LTBR: variants seen among roughly 807,000 people sequenced by gnomAD.
LTBR encodes the protein tumor necrosis factor receptor superfamily member 3.
In LTBR, 15 loss-of-function variants were observed where a neutral mutation model predicts 45.4. The ratio of observed to expected loss-of-function variants is 0.33; its 90% CI spans 0.22 to 0.51. The LOEUF is 0.51. LTBR is among the 20% of genes least tolerant of loss of function. The pLI is 0.97. For synonymous variants in LTBR, 228 were observed against 231.0 expected, an observed-to-expected ratio of 0.99 and a Z score of 0.12; for missense variants, 450 against 565.5, an observed-to-expected ratio of 0.80 and a Z score of 2.07.
exon 1 of LTBR, chr12:6,375,523 TG>T: frequency 6.5e-7 from 1 of 1,534,362 alleles, no homozygotes; most frequent in Non-Finnish European, 8.7e-7. Flanking sequence ...TGCAGCGGCC[TG>T]GCTGGGGAGC....
chr12:6,388,333 C>T lies in LTBR; in HGVS notation c.668-65C>T, dbSNP rs138882165. 1.7e-6 allele frequency: 2 copies of T among 1,168,182 alleles called. No homozygotes were observed. The highest frequency in any genetic ancestry group is 4.7e-5 in the East Asian group (2 of 42,738). The allele number at this position is 1,168,182 out of a possible 1,614,324, so 72.4% of individuals were successfully genotyped here. A position where few individuals can be genotyped will look rare whatever the true frequency, so the allele number is the denominator to read the frequency against. ...TTGCCCAGGGATCTGGAAAGCTCTT[C>T]CTTCTCCTCCTCCCCTCTGCCCTTC... On this transcript the variant is annotated intron_variant, in intron 6 of 9. Coordinates refer to ENST00000228918, the MANE Select transcript of LTBR (RefSeq NM_002342.3). The surrounding 1 kb of genome is among the most constrained non-coding windows in gnomAD (Gnocchi z 4.3).
chr12:6,381,776 C>A (rs948502674), upstream of LTBR, among the ~76,000 whole-genome samples: 2 of 152,170 alleles, frequency 1.3e-5, no homozygotes, highest in Non-Finnish European at 2.9e-5. Flanking sequence ...AGTTCAAGAC[C>A]AGCCTGGTCA....
chr12:6,377,451 C>G, intron 1 of LTBR: 1 of 663,414 alleles, frequency 1.5e-6, no homozygotes, highest in East Asian at 2.8e-5. Flanking sequence ...CATTTACTTC[C>G]TGAGACAGAC....
chr12:6,384,373 G>A lies in LTBR; in HGVS notation c.15G>A (p.Trp5Ter). Residue 5 changes from tryptophan (W) to a stop codon, truncating the protein, a stop_gained, in exon 1 of 10, where the codon TGG becomes TGA. Transcript: ENST00000228918. LOFTEE classifies it high-confidence loss of function. MLLP[W>*]ATSAPGLAWG... is the part of the protein sequence containing the mutation. The stretch of plus-strand genomic sequence containing the variant: ...GAGTGGCCGCCATGCTCCTGCCTTG[G>A]GCCACCTCTGCCCCCGGCCTGGCCT... 6.5e-7 allele frequency: 1 copy of A among 1,531,892 alleles called. No individual in the cohort carries two copies. Among genetic ancestry groups the A allele is most frequent in the Non-Finnish European group, 8.7e-7 (1 of 1,144,316 alleles). 94.9% of individuals were successfully genotyped at this position (1,531,892 alleles called of 1,614,324 possible).
At chr12:6,390,608 G>A (rs367546260) in intron 9 of LTBR, 52 bp from the exon 10 acceptor site, 28 of 1,485,062 alleles carry the variant, frequency 1.9e-5, no homozygotes, top group South Asian at 5.7e-5. Flanking sequence ...AAGAAGCAGC[G>A]GGCCTGAACT....
chr12:6,389,152 G>A (rs959391652), intron 8 of LTBR: 1 of 263,924 alleles, frequency 3.8e-6, no homozygotes. Context: ...TAGACAGAGT[G>A]GAGAGTGAAG....
At chr12:6,379,298 CG>C (rs1339568660), upstream of LTBR, among the ~76,000 whole-genome samples, 6 of 152,178 alleles carry the variant, frequency 3.9e-5, no homozygotes, top group African/African-American at 1.4e-4. Context: ...TTTGACAGAG[CG>C]GGATATGCTA....
intron 2 of LTBR, 151 bp downstream of exon 2, chr12:6,384,835 G>T: frequency 1.0e-6 from 1 of 1,003,388 alleles, no homozygotes; most frequent in Non-Finnish European, 1.5e-6. Context: ...TCACGTGGAG[G>T]AGATGGGACT....
At chr12:6,382,203 G>T (rs762239114), upstream of LTBR, among the ~76,000 whole-genome samples, 4 of 152,128 alleles carry the variant, frequency 2.6e-5, no homozygotes, top group Non-Finnish European at 4.4e-5. Flanking sequence ...GTCTTTTAGG[G>T]TAAAATCCTG....
At chr12:6,390,013 A>G (rs1255184667) in intron 8 of LTBR, 99 bp from the exon 9 acceptor site, 6 of 767,036 alleles carry the variant, frequency 7.8e-6, no homozygotes, top group South Asian at 4.7e-5. Flanking sequence ...AAGGAAGGAA[A>G]GAAAGAAAGA....
intron 1 of LTBR, among the ~76,000 whole-genome samples, chr12:6,376,624 C>G (rs1182187191): frequency 2.0e-5 from 3 of 152,210 alleles, no homozygotes; most frequent in African/African-American, 7.2e-5. Context: ...AAACTTAATG[C>G]AGCAAAAGGA....
At position 6,391,023 on chromosome 12, in the gene LTBR, C is replaced by A; in HGVS notation, c.*86C>A. The A allele has an allele frequency of 1.5e-6, 2 of 1,374,892 alleles. No homozygotes were observed. Among genetic ancestry groups the A allele is most frequent in the Non-Finnish European group, 1.9e-6 (2 of 1,036,394 alleles). The allele number at this position is 1,374,892 out of a possible 1,614,324, so 85.2% of individuals were successfully genotyped here. ...CCTGCCCACGTGGGATTCACAGGGG[C>A]CTGAGTAGGGCCCGGGGAAGCAGAG... On this transcript the variant is annotated 3_prime_UTR_variant, in exon 10 of 10. Coordinates refer to ENST00000228918, the MANE Select transcript of LTBR (RefSeq NM_002342.3).
At chr12:6,384,735 G>A (rs2302256) in intron 2 of LTBR, 51 bp downstream of exon 2, 219,311 of 1,542,530 alleles carry the variant, frequency 0.14, 21,217 homozygotes, top group African/African-American at 0.44. Flanking sequence ...GGTCACGGGG[G>A]CTCCAGCCCC....
intron 1 of LTBR, among the ~76,000 whole-genome samples, chr12:6,376,366 G>T (rs559233717): frequency 6.6e-6 from 1 of 152,360 alleles, no homozygotes; most frequent in East Asian, 1.9e-4. Context: ...CCAGGAATGT[G>T]TAATCGCCCC....
At position 6,384,344 on chromosome 12, in the gene LTBR, G is replaced by C; in HGVS notation, c.-15G>C. 2.0e-6 allele frequency: 3 copies of C among 1,482,466 alleles called. No individual in the cohort carries two copies. The highest frequency in any genetic ancestry group is 1.8e-6 in the Non-Finnish European group (2 of 1,120,856). 91.8% of individuals were successfully genotyped at this position (1,482,466 alleles called of 1,614,324 possible). A position where few individuals can be genotyped will look rare whatever the true frequency, so the allele number is the denominator to read the frequency against. On this transcript the variant is annotated 5_prime_UTR_variant, in exon 1 of 10. Transcript: ENST00000228918. ...CAGGCCCCCACGTTGCTGGCCGCCT[G>C]GCCGAGTGGCCGCCATGCTCCTGCC...
intron 1 of LTBR, chr12:6,376,225 CCCT>C: frequency 3.1e-6 from 3 of 981,170 alleles, no homozygotes; most frequent in Non-Finnish European, 3.6e-6. Flanking sequence ...TCCTCCTGGT[CCCT>C]CCTCTTTCCT....
chr12:6,386,716 C>A lies in LTBR; in HGVS notation c.667+272C>A. 8.3e-6 allele frequency: 3 copies of A among 360,874 alleles called. No homozygotes were observed. The highest frequency in any genetic ancestry group is 4.9e-5 in the East Asian group (1 of 20,504). The allele number at this position is 360,874 out of a possible 1,614,324, so 22.4% of individuals were successfully genotyped here. ...ATGTAATGATAACTACTATTGTCAT[C>A]ATTTTGGGCTTACCAACATTACACA... On this transcript the variant is annotated intron_variant, in intron 6 of 9. Transcript: ENST00000228918. This position sits in a 1 kb window ranked among gnomAD's most constrained non-coding sequence, Gnocchi z 4.1.
chr12:6,385,402 G>C, intron 4 of LTBR, 23 bp downstream of exon 4: 1 of 1,612,314 alleles, frequency 6.2e-7, no homozygotes, highest in South Asian at 1.1e-5. Context: ...TGAGGGGCTG[G>C]ATGTGAAAAG....
chr12:6,382,948 T>C (rs1421467599), upstream of LTBR, among the ~76,000 whole-genome samples: 1 of 152,210 alleles, frequency 6.6e-6, no homozygotes, highest in Non-Finnish European at 1.5e-5. Flanking sequence ...TGTAGCTGGC[T>C]CTGCGGTGGA....
Sources: allele counts gnomAD v4.1 joint callset (sites outside exome capture counted in the v4.1 genomes callset), GRCh38; gene constraint gnomAD v4.1.1; non-coding constraint Gnocchi (gnomAD v3.1); transcripts MANE v1.5; gene names NCBI Gene and HGNC (gene_info 2026-07-23, HGNC 2026-07-21).